KEAP1: variants seen among roughly 807,000 people sequenced by gnomAD.
The protein encoded by KEAP1 is kelch-like ECH-associated protein 1.
A neutral mutation model predicts 59.7 loss-of-function variants in KEAP1; 26 were observed. The ratio of observed to expected loss-of-function variants is 0.44; its 90% CI spans 0.32 to 0.60. KEAP1 has a LOEUF of 0.60. Among genes scored for constraint, KEAP1 ranks in the 20% least tolerant of loss-of-function variants. The pLI, the probability that KEAP1 is intolerant of heterozygous loss-of-function variation, is 0.06. For missense variants in KEAP1, 539 were observed against 871.4 expected (o/e 0.62, Z 4.80); for synonymous variants, 350 against 358.3 (o/e 0.98, Z 0.26).
At chr19:10,492,468 C>T (rs1914708317) in intron 2 of KEAP1, 2 of 564,190 alleles carry the variant, frequency 3.5e-6, no homozygotes, top group Admixed American at 3.2e-5. Flanking sequence ...CCTGTAATGC[C>T]AGCACTTTGG....
chr19:10,501,727 A>G (rs969857053), intron 1 of KEAP1, among the ~76,000 whole-genome samples: 1 of 152,084 alleles, frequency 6.6e-6, no homozygotes, highest in Non-Finnish European at 1.5e-5. Flanking sequence ...TTGTATTTTT[A>G]GTAGAGATGG....
At chr19:10,487,828 T>TA (rs1374664432) in intron 5 of KEAP1, among the ~76,000 whole-genome samples, 2 of 151,576 alleles carry the variant, frequency 1.3e-5, no homozygotes, top group African/African-American at 4.8e-5. Flanking sequence ...AAACCCCGTC[T>TA]CTACTAAAAA....
rs1010031290 is a variant in KEAP1, at chr19:10,502,645, G to A, written c.-48+596C>T. The A allele has an allele frequency of 1.3e-5, 2 of 152,042 alleles. No individual in the cohort carries two copies. The highest frequency in any genetic ancestry group is 2.9e-5 in the Non-Finnish European group (2 of 67,982). The allele number at this position is 152,042 out of a possible 1,614,324, so 9.4% of individuals were successfully genotyped here. ...CCTGGTCTCCGGGCACGGCCGCAGG[G>A]GCGCTCGCGGCCCGCGATGCCCGCA... On this transcript the variant is annotated intron_variant, in intron 1 of 5. Transcript: ENST00000171111. The surrounding 1 kb of genome is among the most constrained non-coding windows in gnomAD (Gnocchi z 4.0).
rs1167584191 is a variant in KEAP1 at position 10,499,148 on chromosome 19, G to T, written c.639+247C>A. On this transcript the variant is annotated intron_variant, in intron 2 of 5. Coordinates refer to ENST00000171111, the MANE Select transcript of KEAP1 (RefSeq NM_203500.2). The surrounding 1 kb of genome is among the most constrained non-coding windows in gnomAD (Gnocchi z 6.7). ...CCACGCCCGGCCCCAGTTGTTTTTT[G>T]TTTGTGTGTTTGTTTGTTTAGAGAC... Among the ~76,000 whole-genome samples, 1 of 151,912 alleles carries T rather than the reference G, an allele frequency of 6.6e-6. No individual in the cohort carries two copies. The highest frequency in any genetic ancestry group is 1.5e-5 in the Non-Finnish European group (1 of 67,956).
chr19:10,498,936 G>A (rs1220175614), intron 2 of KEAP1, among the ~76,000 whole-genome samples: 1 of 151,850 alleles, frequency 6.6e-6, no homozygotes, highest in East Asian at 1.9e-4. Flanking sequence ...CTTGGTTCAA[G>A]CGATTCTCCT....
At chr19:10,489,402 G>T (rs2144588111) in intron 4 of KEAP1, 34 bp from the exon 5 acceptor site, 1 of 1,589,628 alleles carries the variant, frequency 6.3e-7, no homozygotes, top group South Asian at 1.1e-5. Flanking sequence ...GTGACTCTGG[G>T]GGTCTGGCTT....
In KEAP1 at chr19:10,489,263, A is replaced by G. The variant is rs1463180402; in HGVS notation, c.1637T>C (p.Phe546Ser). 22 of 1,613,384 alleles carry G rather than the reference A, an allele frequency of 1.4e-5. No individual in the cohort carries two copies. Among genetic ancestry groups the G allele is most frequent in the Non-Finnish European group, 1.8e-5 (21 of 1,179,990 alleles). The change falls in exon 5 of 6, where the codon TTC (phenylalanine) becomes TCC (serine). Residue 546 changes from phenylalanine (F) to serine (S), a missense_variant. By Grantham distance (155) the Phe-to-Ser change is radical. Transcript: ENST00000171111. Reference protein sequence around the residue: ...RYDVETETWTFVAPMKHRRSA... With the variant: ...RYDVETETWTSVAPMKHRRSA... ...TCGCCGGTGCTTCATGGGGGCTACGAAAGTCCACGTCTCTGTTTCCACATC... is the reference window on the plus strand; with the variant it reads ...TCGCCGGTGCTTCATGGGGGCTACGGAAGTCCACGTCTCTGTTTCCACATC...
At chr19:10,494,388 G>A (rs962369946) in intron 2 of KEAP1, among the ~76,000 whole-genome samples, 2 of 142,328 alleles carry the variant, frequency 1.4e-5, no homozygotes. Context: ...TGGAGTGCAG[G>A]GGTGCAATCT....
At chr19:10,495,380 A>G (rs1476310016) in intron 2 of KEAP1, among the ~76,000 whole-genome samples, 1 of 152,116 alleles carries the variant, frequency 6.6e-6, no homozygotes, top group Admixed American at 6.6e-5. Flanking sequence ...AAGCAATCAC[A>G]ATAGAATGTT....
chr19:10,489,022 G>C (rs932945550), intron 5 of KEAP1, among the ~76,000 whole-genome samples, 170 bp downstream of exon 5: 2 of 148,856 alleles, frequency 1.3e-5, no homozygotes, highest in Non-Finnish European at 3.0e-5. Flanking sequence ...TGGAGCCCAG[G>C]CTGTTGAGGC....
Position 10,486,240 on chromosome 19 carries a change from G to A in KEAP1, c.*412C>T, listed in dbSNP as rs1474467441. The A allele has an allele frequency of 1.6e-5, 4 of 249,358 alleles. No homozygotes were observed. The highest frequency in any genetic ancestry group is 2.3e-5 in the Non-Finnish European group (3 of 128,568). 15.4% of individuals were successfully genotyped at this position (249,358 alleles called of 1,614,324 possible). A position where few individuals can be genotyped will look rare whatever the true frequency, so the allele number is the denominator to read the frequency against. On this transcript the variant is annotated 3_prime_UTR_variant, in exon 6 of 6. Coordinates refer to ENST00000171111, the MANE Select transcript of KEAP1 (RefSeq NM_203500.2). ...GCCATCCGGTGGCTTCTATGTACAG[G>A]CCCATCCCTGGGAACCACATTTCCA...
rs139000421 is a variant in KEAP1, at chr19:10,486,712, G to A, written c.1815C>T (p.Gly605=). 130 of 1,613,852 alleles carry A rather than the reference G, an allele frequency of 8.1e-5. No individual in the cohort carries two copies. The highest frequency in any genetic ancestry group is 1.0e-4 in the Non-Finnish European group (121 of 1,180,002). ...GGCAGGGCTCCATGGTGACAGCCAC[G>A]CCCACCCCACTCCGGCCCGATGTCA... The part of the protein sequence containing the change: ...TRMTSGRSGV[G]VAVTMEPCRK... The change falls in exon 6 of 6, where the codon GGC becomes GGT. Residue 605 remains glycine (G), a synonymous_variant. Transcript: ENST00000171111.
chr19:10,492,399 G>A (rs1300896775), intron 2 of KEAP1, 137 bp from the exon 3 acceptor site: 4 of 672,128 alleles, frequency 6.0e-6, no homozygotes, highest in Non-Finnish European at 1.0e-5. Flanking sequence ...TCAAATAATA[G>A]GAACCGCGTA....
chr19:10,491,527 C>T lies in KEAP1; in HGVS notation c.1325+50G>A. 7.0e-7 allele frequency: 1 copy of T among 1,433,806 alleles called. No homozygotes were observed. The highest frequency in any genetic ancestry group is 1.4e-5 in the African/African-American group (1 of 69,862). The allele number at this position is 1,433,806 out of a possible 1,614,324, so 88.8% of individuals were successfully genotyped here. On this transcript the variant is annotated intron_variant, in intron 3 of 5. Transcript: ENST00000171111. The surrounding 1 kb of genome is among the most constrained non-coding windows in gnomAD (Gnocchi z 5.2). ...ATACCCGGATCTCAGTGTCTTGGGA[C>T]TTGCCAGGAGCAGGACCCTCCGAGC...
chr19:10,501,825 C>A (rs1915055510), intron 1 of KEAP1, among the ~76,000 whole-genome samples: 1 of 152,038 alleles, frequency 6.6e-6, no homozygotes, highest in Admixed American at 6.6e-5. Context: ...GGATTACAGG[C>A]ATAGGCTGCT....
Position 10,502,917 on chromosome 19 carries a change from G to T in KEAP1, c.-48+324C>A, listed in dbSNP as rs974103241. On this transcript the variant is annotated intron_variant, in intron 1 of 5. Coordinates refer to ENST00000171111, the MANE Select transcript of KEAP1 (RefSeq NM_203500.2). This position sits in a 1 kb window ranked among gnomAD's most constrained non-coding sequence, Gnocchi z 4.0. Reference sequence around the variant, plus strand: ...CCCACGCCTGCTGTCGCCCAGCTGCGCGGCCACCACGGCGCCCAGCATGGC... The same window carrying T: ...CCCACGCCTGCTGTCGCCCAGCTGCTCGGCCACCACGGCGCCCAGCATGGC... 3 of 152,120 alleles carry T rather than the reference G, an allele frequency of 2.0e-5. No homozygotes were observed. The highest frequency in any genetic ancestry group is 1.3e-4 in the Admixed American group (2 of 15,278). The allele number at this position is 152,120 out of a possible 1,614,324, so 9.4% of individuals were successfully genotyped here.
rs1914464474 is a variant in KEAP1, at chr19:10,486,460, G to T, written c.*192C>A. On this transcript the variant is annotated 3_prime_UTR_variant, in exon 6 of 6. Transcript: ENST00000171111. ...CCAGGCTGTCTTGGACACTCCCGGGGCTCCGCTGAGGGGCACATGATTCCC... is the reference window on the plus strand; with the variant it reads ...CCAGGCTGTCTTGGACACTCCCGGGTCTCCGCTGAGGGGCACATGATTCCC... 7 of 641,672 alleles carry T rather than the reference G, an allele frequency of 1.1e-5. No homozygotes were observed. The South Asian group carries it at 1.1e-4, about 10-fold the overall frequency. The allele number at this position is 641,672 out of a possible 1,614,324, so 39.7% of individuals were successfully genotyped here.
intron 2 of KEAP1, among the ~76,000 whole-genome samples, chr19:10,495,963 T>C (rs1273434430): frequency 4.0e-5 from 6 of 151,814 alleles, no homozygotes; most frequent in African/African-American, 1.5e-4. Context: ...GGCGGGAAGA[T>C]TGCTTGAGCC....
Position 10,486,446 on chromosome 19 carries a change from T to C in KEAP1, c.*206A>G. ...ACCCCCTTTCCCAGCCAGGCTGTCT[T>C]GGACACTCCCGGGGCTCCGCTGAGG... On this transcript the variant is annotated 3_prime_UTR_variant, in exon 6 of 6. Coordinates refer to ENST00000171111, the MANE Select transcript of KEAP1 (RefSeq NM_203500.2). 1.7e-6 allele frequency: 1 copy of C among 595,238 alleles called. No individual in the cohort carries two copies. The allele number at this position is 595,238 out of a possible 1,614,324, so 36.9% of individuals were successfully genotyped here. A position where few individuals can be genotyped will look rare whatever the true frequency, so the allele number is the denominator to read the frequency against.
Sources: allele counts gnomAD v4.1 joint callset (sites outside exome capture counted in the v4.1 genomes callset), GRCh38; gene constraint gnomAD v4.1.1; non-coding constraint Gnocchi (gnomAD v3.1); transcripts MANE v1.5; gene names NCBI Gene and HGNC (gene_info 2026-07-23, HGNC 2026-07-21).